Variants in BRWD1 observed in about 807,000 individuals in gnomAD.
BRWD1 encodes the protein bromodomain and WD repeat domain containing 1, also known as bromodomain and WD repeat-containing protein 1.
Under a neutral mutation model 251.2 loss-of-function variants are expected in BRWD1, and 82 were observed. The ratio of observed to expected loss-of-function variants is 0.33; its 90% confidence interval spans 0.27 to 0.39. The LOEUF (loss-of-function observed/expected upper bound fraction) is 0.39, where lower values mean the gene tolerates loss of function less well. BRWD1 is among the 10% of genes least tolerant of loss of function. BRWD1 has a pLI of 1.00. For synonymous variants in BRWD1, 918 were observed against 902.8 expected, an observed-to-expected ratio of 1.02 and a Z score of -0.30; for missense variants, 2,233 against 2,711.6, an observed-to-expected ratio of 0.82 and a Z score of 3.92.
chr21:39,212,392 A>G (rs1323952259), intron 34 of BRWD1, among the ~76,000 whole-genome samples: 1 of 152,098 alleles, frequency 6.6e-6, no homozygotes, highest in Non-Finnish European at 1.5e-5. Flanking sequence ...TTAACAGTCT[A>G]TGGACATGCC....
At chr21:39,313,939 C>T (rs761140819), upstream of BRWD1, 25 of 336,412 alleles carry the variant, frequency 7.4e-5, no homozygotes, top group South Asian at 5.2e-4. Context: ...CAGCAGCGGG[C>T]GGGTGCCGGG....
Position 39,192,987 on chromosome 21 carries a change from A to G in BRWD1, c.*3272T>C, listed in dbSNP as rs2031631576. Reference sequence around the variant, plus strand: ...TAGTGTGCACCCCTTATTCTAAGTGATAATTTTTACTTACGAGGTCATAAC... The same window carrying G: ...TAGTGTGCACCCCTTATTCTAAGTGGTAATTTTTACTTACGAGGTCATAAC... On this transcript the variant is annotated 3_prime_UTR_variant, in exon 41 of 41. Transcript: ENST00000342449. 1 of 984,930 alleles carries G rather than the reference A, an allele frequency of 1.0e-6. No homozygotes were observed. The highest frequency in any genetic ancestry group is 1.7e-5 in the African/African-American group (1 of 57,220). The allele number at this position is 984,930 out of a possible 1,614,324, so 61.0% of individuals were successfully genotyped here.
chr21:39,272,064 A>G (rs2035128084), intron 13 of BRWD1, among the ~76,000 whole-genome samples: 1 of 150,996 alleles, frequency 6.6e-6, no homozygotes, highest in Non-Finnish European at 1.5e-5. Flanking sequence ...TATCTATGTA[A>G]TTACAAAAAA....
Position 39,187,482 on chromosome 21 carries a change from AACATTCCTCAACAAC to A in BRWD1, c.*8762_*8776del. On this transcript the variant is annotated 3_prime_UTR_variant, in exon 41 of 41. Coordinates refer to ENST00000342449, the MANE Select transcript of BRWD1 (RefSeq NM_033656.4). ...TGTAACACAAGATTTTACTACTGCT[AACATTCCTCAACAAC>A]ACTCATTCGGAAACAATAAATTTAA... The A allele has an allele frequency of 3.4e-6, 5 of 1,489,968 alleles. No homozygotes were observed. The highest frequency in any genetic ancestry group is 4.4e-6 in the Non-Finnish European group (5 of 1,123,608). 92.3% of individuals were successfully genotyped at this position (1,489,968 alleles called of 1,614,324 possible). A position where few individuals can be genotyped will look rare whatever the true frequency, so the allele number is the denominator to read the frequency against.
rs1427854333 is a variant in BRWD1 at position 39,186,389 on chromosome 21, CT to C, written c.*9869del. ...ACAAAATGACATCAATGGACTTTCT[CT>C]AATTGCCTATTTCCAACACTCTACT... On this transcript the variant is annotated 3_prime_UTR_variant, in exon 41 of 41. Transcript: ENST00000342449. The C allele has an allele frequency of 6.6e-6, 1 of 152,176 alleles. No individual in the cohort carries two copies. The highest frequency in any genetic ancestry group is 1.5e-5 in the Non-Finnish European group (1 of 68,022). The allele number at this position is 152,176 out of a possible 1,614,324, so 9.4% of individuals were successfully genotyped here. A position where few individuals can be genotyped will look rare whatever the true frequency, so the allele number is the denominator to read the frequency against.
At chr21:39,292,161 G>A (rs1208277237) in intron 8 of BRWD1, among the ~76,000 whole-genome samples, 1 of 141,050 alleles carries the variant, frequency 7.1e-6, no homozygotes, top group Non-Finnish European at 1.5e-5. Context: ...AAGTTGCCCA[G>A]GCCGGGTCTC....
chr21:39,213,590 G>A, intron 32 of BRWD1, 37 bp from the exon 33 acceptor site: 1 of 1,365,276 alleles, frequency 7.3e-7, no homozygotes, highest in Non-Finnish European at 1.0e-6. Flanking sequence ...GTATGCAGAT[G>A]TAGTGACTTG....
intron 8 of BRWD1, among the ~76,000 whole-genome samples, chr21:39,286,225 A>T (rs1025651486): frequency 4.4e-4 from 67 of 152,024 alleles, no homozygotes; most frequent in Admixed American, 8.5e-4. Flanking sequence ...TCACCATGTT[A>T]GCCAGGATGG....
At chr21:39,232,648 G>C (rs547591666) in intron 23 of BRWD1, 150 bp from the exon 24 acceptor site, 3 of 823,936 alleles carry the variant, frequency 3.6e-6, no homozygotes, top group Non-Finnish European at 3.7e-6. Context: ...TATATATTTA[G>C]TTCCTTTACA....
At chr21:39,303,083 C>T (rs991853842) in intron 4 of BRWD1, among the ~76,000 whole-genome samples, 14 of 152,044 alleles carry the variant, frequency 9.2e-5, no homozygotes, top group African/African-American at 3.4e-4. Flanking sequence ...CTCAAAGCGA[C>T]AGGATGGTGA....
intron 21 of BRWD1, among the ~76,000 whole-genome samples, chr21:39,242,693 C>G (rs578196226): frequency 6.6e-6 from 1 of 152,266 alleles, no homozygotes; most frequent in East Asian, 1.9e-4. Context: ...CTTGTTAGGG[C>G]TAATGCAGCT....
At chr21:39,228,027 C>T (rs993272322) in intron 27 of BRWD1, among the ~76,000 whole-genome samples, 1 of 152,158 alleles carries the variant, frequency 6.6e-6, no homozygotes, top group Non-Finnish European at 1.5e-5. Context: ...CGGTGGCTCA[C>T]ACCTCTAATC....
chr21:39,313,462 C>G lies in BRWD1; in HGVS notation c.30G>C (p.Pro10=). Residue 10 remains proline, a synonymous_variant, in exon 1 of 41, where the codon CCG becomes CCC. Coordinates refer to ENST00000342449, the MANE Select transcript of BRWD1 (RefSeq NM_033656.4). MAEPSSARR[P]VPLIESELYF... ...TCTTACCCGACTCGATGAGAGGCAC[C>G]GGGCGTCGGGCGGACGACGGCTCCG... 3 of 1,219,718 alleles carry G rather than the reference C, an allele frequency of 2.5e-6. No individual in the cohort carries two copies. Among genetic ancestry groups the G allele is most frequent in the Non-Finnish European group, 2.1e-6 (2 of 973,610 alleles). The allele number at this position is 1,219,718 out of a possible 1,614,324, so 75.6% of individuals were successfully genotyped here.
At position 39,274,405 on chromosome 21, in the gene BRWD1, T is replaced by A; in HGVS notation, c.1213A>T (p.Ile405Phe). Residue 405 changes from isoleucine to phenylalanine, a missense_variant, in exon 13 of 41, where the codon ATT (isoleucine) becomes TTT (phenylalanine). Ile to Phe is a conservative substitution (Grantham distance 21). Coordinates refer to ENST00000342449, the MANE Select transcript of BRWD1 (RefSeq NM_033656.4). ...WRFEQLEWRS[I>F]LLDMATRISG... ...ATTCTGGTAGCCATATCCAATAAAA[T>A]GCTCCTCCATTCTAACTGCTCAAAT... 6.2e-7 allele frequency: 1 copy of A among 1,613,928 alleles called. No individual in the cohort carries two copies. The highest frequency in any genetic ancestry group is 8.5e-7 in the Non-Finnish European group (1 of 1,179,898).
intron 13 of BRWD1, among the ~76,000 whole-genome samples, chr21:39,272,244 T>C (rs8134638): frequency 0.36 from 53,164 of 149,614 alleles, 10,043 homozygotes; most frequent in Admixed American, 0.43. Context: ...ACCATCCTGG[T>C]TGCACATGTA....
chr21:39,249,033 T>TA (rs138109597), intron 20 of BRWD1, among the ~76,000 whole-genome samples: 7,046 of 146,814 alleles, frequency 0.048, 190 homozygotes, highest in Non-Finnish European at 0.06. Context: ...TACCCAGCCA[T>TA]AAAAAAAAAA....
At chr21:39,201,204 A>G (rs2032094118) in intron 38 of BRWD1, among the ~76,000 whole-genome samples, 3 of 152,098 alleles carry the variant, frequency 2.0e-5, no homozygotes, top group Non-Finnish European at 4.4e-5. Flanking sequence ...AGAAAAGAAA[A>G]CTGGCTGTGA....
In BRWD1 at chr21:39,189,102, AAATC is replaced by A. The variant is rs557294765; in HGVS notation, c.*7153_*7156del. On this transcript the variant is annotated 3_prime_UTR_variant, in exon 41 of 41. Coordinates refer to ENST00000342449, the MANE Select transcript of BRWD1 (RefSeq NM_033656.4). Reference sequence around the variant, plus strand: ...ATCCAAAATGAATCTTTAACACATTAAATCAATGTTAGCAAATGCTAAAATGTAA... The same window carrying A: ...ATCCAAAATGAATCTTTAACACATTAAATGTTAGCAAATGCTAAAATGTAA... 2.1e-5 allele frequency: 21 copies of A among 983,762 alleles called. No homozygotes were observed. Among genetic ancestry groups the A allele is most frequent in the Middle Eastern group, 5.2e-4 (1 of 1,910 alleles). 60.9% of individuals were successfully genotyped at this position (983,762 alleles called of 1,614,324 possible).
intron 15 of BRWD1, among the ~76,000 whole-genome samples, chr21:39,265,979 G>C (rs1415955814): frequency 6.6e-6 from 1 of 152,074 alleles, no homozygotes; most frequent in Non-Finnish European, 1.5e-5. Flanking sequence ...TCAATTTATA[G>C]TTAAGTTAGT....
Sources: gnomAD v4.1 joint callset for allele counts (sites outside exome capture counted in the v4.1 genomes callset) on GRCh38, gnomAD v4.1.1 for gene constraint, MANE v1.5 for transcripts, NCBI Gene and HGNC (gene_info 2026-07-23, HGNC 2026-07-21) for gene names.